The following ARHGEF18 variants were observed in gnomAD, a reference collection of about 807,000 sequenced individuals.
ARHGEF18 encodes the protein Rho/Rac guanine nucleotide exchange factor 18.
In ARHGEF18, 93 loss-of-function variants were observed where a neutral mutation model predicts 155.7. That is an observed-to-expected ratio of 0.60 (90% CI 0.50 to 0.71). The LOEUF is 0.71. ARHGEF18 is among the 30% of genes least tolerant of loss of function. The pLI is 0.00. For missense variants in ARHGEF18, 1,593 were observed against 1,816.1 expected (o/e 0.88, Z 2.23); for synonymous variants, 742 against 753.1 (o/e 0.99, Z 0.24).
intron 16 of ARHGEF18, 119 bp from the exon 17 acceptor site, chr19:7,453,348 C>T (rs978478206): frequency 2.0e-5 from 24 of 1,220,810 alleles, no homozygotes; most frequent in East Asian, 5.1e-5. Flanking sequence ...AGATCCCACA[C>T]GCCCATACAT....
chr19:7,422,247 G>GT (rs1473814341), intron 10 of ARHGEF18, among the ~76,000 whole-genome samples: 1 of 151,954 alleles, frequency 6.6e-6, no homozygotes, highest in African/African-American at 2.4e-5. Flanking sequence ...GAAGAGTGTC[G>GT]TAGGGCAGCA....
At chr19:7,411,127 C>T (rs1972650904) in intron 10 of ARHGEF18, among the ~76,000 whole-genome samples, 2 of 152,102 alleles carry the variant, frequency 1.3e-5, no homozygotes, top group African/African-American at 4.8e-5. Flanking sequence ...CAAGCCTGGG[C>T]AGCGCAGGGC....
intron 10 of ARHGEF18, among the ~76,000 whole-genome samples, chr19:7,424,865 G>A (rs1328832531): frequency 6.6e-6 from 1 of 152,022 alleles, no homozygotes; most frequent in Non-Finnish European, 1.5e-5. Context: ...ATGGTGGCAG[G>A]TGCCTGTAAT....
At chr19:7,362,537 G>A (rs758297727) in intron 1 of ARHGEF18, among the ~76,000 whole-genome samples, 1 of 152,298 alleles carries the variant, frequency 6.6e-6, no homozygotes, top group East Asian at 1.9e-4. Flanking sequence ...GGGGGCAAAT[G>A]GCTAAGCAGG....
intron 10 of ARHGEF18, among the ~76,000 whole-genome samples, chr19:7,432,807 G>C (rs918954858): frequency 6.6e-6 from 1 of 152,236 alleles, no homozygotes; most frequent in African/African-American, 2.4e-5. Flanking sequence ...CTGGAAGTCA[G>C]TGTGCCTCTA....
chr19:7,409,814 G>A (rs1445242562), intron 10 of ARHGEF18, among the ~76,000 whole-genome samples: 7 of 140,632 alleles, frequency 5.0e-5, no homozygotes, highest in Admixed American at 4.4e-4. Context: ...CTGTCGCCTA[G>A]GCTGGAGTGC....
At chr19:7,450,809 A>G (rs554546310) in intron 15 of ARHGEF18, among the ~76,000 whole-genome samples, 7,593 of 137,180 alleles carry the variant, frequency 0.055, 2 homozygotes, top group Admixed American at 0.072. Flanking sequence ...CGTTTCCGAG[A>G]TGTTAATACG....
At chr19:7,473,851 C>T (rs191447443), downstream of ARHGEF18, among the ~76,000 whole-genome samples, 848 of 148,962 alleles carry the variant, frequency 5.7e-3, 12 homozygotes, top group African/African-American at 0.019. Flanking sequence ...GGTATGGTGG[C>T]GTGCACCTGT....
At chr19:7,478,817 T>C in the ARHGEF18 span, among the ~76,000 whole-genome samples, 1 of 152,176 alleles carries the variant, frequency 6.6e-6, no homozygotes, top group Non-Finnish European at 1.5e-5. Context: ...ATCAGTGCCA[T>C]GCCAGCACCC....
intron 2 of ARHGEF18, 93 bp downstream of exon 2, chr19:7,362,998 G>A: frequency 8.2e-7 from 1 of 1,215,086 alleles, no homozygotes; most frequent in Non-Finnish European, 1.0e-6. Context: ...CAGGCACTTT[G>A]TGTACATTAT....
intron 2 of ARHGEF18, among the ~76,000 whole-genome samples, chr19:7,371,112 A>C (rs1251259844): frequency 6.6e-6 from 1 of 151,926 alleles, no homozygotes; most frequent in African/African-American, 2.4e-5. Flanking sequence ...GGGTCTTGTT[A>C]TGTTGTCCAG....
chr19:7,371,976 G>A (rs577245074), intron 2 of ARHGEF18, among the ~76,000 whole-genome samples: 2 of 152,272 alleles, frequency 1.3e-5, no homozygotes, highest in South Asian at 2.1e-4. Flanking sequence ...CCCAAGACAA[G>A]TGTGGACACT....
chr19:7,446,904 AAAAAAAAG>A (rs1975030617), intron 14 of ARHGEF18, 131 bp from the exon 15 acceptor site: 4 of 1,191,134 alleles, frequency 3.4e-6, no homozygotes, highest in South Asian at 1.5e-5. Flanking sequence ...TCAAAAAAAA[AAAAAAAAG>A]AAGAAGAAAG....
At chr19:7,372,025 A>G (rs1395535050) in intron 2 of ARHGEF18, among the ~76,000 whole-genome samples, 2 of 152,134 alleles carry the variant, frequency 1.3e-5, no homozygotes, top group East Asian at 3.9e-4. Context: ...CCCAGCTGAC[A>G]AATTGAGAGC....
In ARHGEF18 at chr19:7,469,095, G is replaced by A. The variant is rs374064244; in HGVS notation, c.3751G>A (p.Gly1251Ser). 19 of 1,608,194 alleles carry A rather than the reference G, an allele frequency of 1.2e-5. No homozygotes were observed. Among genetic ancestry groups the A allele is most frequent in the South Asian group, 4.4e-5 (4 of 90,214 alleles). The change falls in exon 27 of 29, where the codon GGC (glycine) becomes AGC (serine). Residue 1251 changes from glycine (G) to serine (S), a missense_variant. Transcript: ENST00000668164. The stretch of plus-strand genomic sequence containing the variant: ...CACCAAGGGTGGCAAGGACAAGGGC[G>A]GCAAGAGCAGGGGCTCTCAGCGCTG... The part of the protein sequence containing the change: ...ASTKGGKDKG[G>S]KSRGSQRWES...
chr19:7,397,806 C>A (rs576074505), intron 10 of ARHGEF18, among the ~76,000 whole-genome samples: 1 of 151,930 alleles, frequency 6.6e-6, no homozygotes, highest in Admixed American at 6.6e-5. Context: ...TGGACTCAAG[C>A]GATCCTCCCA....
intron 17 of ARHGEF18, among the ~76,000 whole-genome samples, chr19:7,454,551 T>C (rs968328668): frequency 4.6e-5 from 7 of 152,074 alleles, no homozygotes; most frequent in Non-Finnish European, 8.8e-5. Context: ...GTGGGCACCA[T>C]CTTGGTTTGG....
downstream of ARHGEF18, chr19:7,472,793 G>A (rs538558031): frequency 2.3e-3 from 811 of 345,340 alleles, 4 homozygotes; most frequent in Non-Finnish European, 3.6e-3. Flanking sequence ...TCTGCCTCCC[G>A]GGTTCAAGCA....
chr19:7,428,611 G>T (rs1293029017), intron 10 of ARHGEF18, among the ~76,000 whole-genome samples: 1 of 152,118 alleles, frequency 6.6e-6, no homozygotes, highest in Non-Finnish European at 1.5e-5. Flanking sequence ...GAAGGCTGAG[G>T]CAGGAGGATC....
Sources: allele counts gnomAD v4.1 joint callset (sites outside exome capture counted in the v4.1 genomes callset), GRCh38; gene constraint gnomAD v4.1.1; transcripts MANE v1.5; gene names NCBI Gene and HGNC (gene_info 2026-07-23, HGNC 2026-07-21).